NFILZ: variants seen among roughly 807,000 people sequenced by gnomAD.
NFILZ encodes the protein NFIL3 like protein.
chr19:8,648,575 T>C (rs1352560662), intron 3 of NFILZ, among the ~76,000 whole-genome samples: 2 of 152,194 alleles, frequency 1.3e-5, no homozygotes, highest in African/African-American at 2.4e-5. Context: ...CCCAGATCTT[T>C]GGGAGGCCGA....
At chr19:8,656,267 T>C (rs868947362) in intron 3 of NFILZ, among the ~76,000 whole-genome samples, 1,545 of 15,966 alleles carry the variant, frequency 0.097, 66 homozygotes, top group African/African-American at 0.18. Flanking sequence ...CCATCTTCTC[T>C]CTGAAGCCCA....
intron 3 of NFILZ, among the ~76,000 whole-genome samples, chr19:8,645,347 C>T (rs537044204): frequency 2.0e-5 from 3 of 150,536 alleles, no homozygotes; most frequent in Admixed American, 6.6e-5. Flanking sequence ...CCATGTTGCC[C>T]AGGCTGGTCT....
chr19:8,653,429 T>G (rs1043872842), intron 3 of NFILZ, among the ~76,000 whole-genome samples: 1 of 152,112 alleles, frequency 6.6e-6, no homozygotes, highest in South Asian at 2.1e-4. Context: ...TTGCTGAAGA[T>G]GAGTCTATTT....
In NFILZ at chr19:8,638,875, G is replaced by C. The variant is rs150898593; in HGVS notation, c.-164+3129G>C. ...TTTTTTTTTTTTGAGATGGAATCTC[G>C]CTCTGTTGCCCAGACTGGAGTGCAG... On this transcript the variant is annotated intron_variant, in intron 3 of 5. Transcript: ENST00000691075. Among the ~76,000 whole-genome samples, 974 of 144,010 alleles carry C rather than the reference G, an allele frequency of 6.8e-3. 18 individuals are homozygous for C. Among genetic ancestry groups the C allele is most frequent in the African/African-American group, 0.024 (924 of 38,272 alleles). 94.5% of individuals were successfully genotyped at this position (144,010 alleles called of 152,430 possible). A position where few individuals can be genotyped will look rare whatever the true frequency, so the allele number is the denominator to read the frequency against.
In NFILZ at chr19:8,681,054, G is replaced by T. The variant is rs115621977; in HGVS notation, c.*3419G>T. Among the ~76,000 whole-genome samples, 64 of 152,146 alleles carry T rather than the reference G, an allele frequency of 4.2e-4. No homozygotes were observed. The highest frequency in any genetic ancestry group is 1.5e-3 in the African/African-American group (63 of 41,504). On this transcript the variant is annotated 3_prime_UTR_variant, in exon 6 of 6. Transcript: ENST00000691075. The stretch of plus-strand genomic sequence containing the variant: ...TCCTTTCTGAGTGATATGGGCATGA[G>T]GGGGACGTTTCCAAGTATATTTCTG...
At chr19:8,663,102 C>T (rs1330874321) in intron 3 of NFILZ, among the ~76,000 whole-genome samples, 1 of 151,844 alleles carries the variant, frequency 6.6e-6, no homozygotes, top group African/African-American at 2.4e-5. Context: ...CATGTGTCAC[C>T]ATGCCTGGGT....
At chr19:8,633,389 G>A (rs1227099752) in intron 2 of NFILZ, among the ~76,000 whole-genome samples, 2 of 152,054 alleles carry the variant, frequency 1.3e-5, no homozygotes, top group East Asian at 1.9e-4. Flanking sequence ...CTTTCTTGCG[G>A]GGGACCTAAG....
intron 3 of NFILZ, among the ~76,000 whole-genome samples, chr19:8,670,992 CAA>C (rs35392454): frequency 0.022 from 2,619 of 117,520 alleles, 79 homozygotes; most frequent in African/African-American, 0.073. Flanking sequence ...GAGACTGTCT[CAA>C]AAAAAAAAAA....
chr19:8,679,003 T>C lies in NFILZ; in HGVS notation c.*1368T>C, dbSNP rs1173959176. 6.6e-6 allele frequency among the ~76,000 whole-genome samples: 1 copy of C among 152,070 alleles called. No homozygotes were observed. Among genetic ancestry groups the C allele is most frequent in the Non-Finnish European group, 1.5e-5 (1 of 67,978 alleles). On this transcript the variant is annotated 3_prime_UTR_variant, in exon 6 of 6. Transcript: ENST00000691075. ...CTGAATCCCCCTTCTTGGTGTCCCC[T>C]GGGGGGCTTGCTTACCACCCAGTTT... is the stretch of plus-strand genomic sequence containing the variant.
intron 3 of NFILZ, among the ~76,000 whole-genome samples, chr19:8,652,295 G>A (rs1432130989): frequency 1.3e-5 from 2 of 151,980 alleles, no homozygotes; most frequent in African/African-American, 2.4e-5. Context: ...AGTAGAGACG[G>A]GGTTTCACCG....
chr19:8,641,354 T>G (rs1229781765), intron 3 of NFILZ, among the ~76,000 whole-genome samples: 1 of 152,102 alleles, frequency 6.6e-6, no homozygotes, highest in Non-Finnish European at 1.5e-5. Flanking sequence ...GCCTGGCCTC[T>G]CCAGTGTTTC....
intron 3 of NFILZ, among the ~76,000 whole-genome samples, chr19:8,642,717 T>C (rs186913450): frequency 9.1e-4 from 138 of 152,230 alleles, no homozygotes; most frequent in African/African-American, 3.2e-3. Flanking sequence ...AATATAGCCC[T>C]AATGCGCAAG....
At chr19:8,650,260 C>T (rs1555747573) in intron 3 of NFILZ, among the ~76,000 whole-genome samples, 1 of 152,004 alleles carries the variant, frequency 6.6e-6, no homozygotes, top group African/African-American at 2.4e-5. Flanking sequence ...TCTCATGTCC[C>T]CTGCACCCAG....
Position 8,643,491 on chromosome 19 carries a change from G to A in NFILZ, c.-164+7745G>A, listed in dbSNP as rs145628235. Among the ~76,000 whole-genome samples the A allele has an allele frequency of 2.4e-3, 371 of 152,314 alleles. 1 individual carries two copies. Among genetic ancestry groups the A allele is most frequent in the African/African-American group, 8.5e-3 (355 of 41,562 alleles). ...GGGAGGGTGTTTCTGGGAGAGATTA[G>A]CATTTGCATTGGTGGACTGAGAAAA... On this transcript the variant is annotated intron_variant, in intron 3 of 5. Transcript: ENST00000691075.
At chr19:8,657,866 A>G (rs1266762723) in intron 3 of NFILZ, among the ~76,000 whole-genome samples, 1 of 152,120 alleles carries the variant, frequency 6.6e-6, no homozygotes, top group Non-Finnish European at 1.5e-5. Flanking sequence ...CACATGGGCC[A>G]AAAGAGCTAG....
chr19:8,640,787 C>T (rs1056666446), intron 3 of NFILZ, among the ~76,000 whole-genome samples: 1 of 152,084 alleles, frequency 6.6e-6, no homozygotes, highest in African/African-American at 2.4e-5. Flanking sequence ...GACCAGAGGT[C>T]AAAGTTACAG....
intron 3 of NFILZ, among the ~76,000 whole-genome samples, chr19:8,671,243 G>A (rs1275269197): frequency 6.6e-6 from 1 of 152,020 alleles, no homozygotes; most frequent in Non-Finnish European, 1.5e-5. Context: ...TCCCCCTCCG[G>A]CCACTGCAAG....
rs2043130757 is a variant in NFILZ at position 8,678,708 on chromosome 19, C to A, written c.*1073C>A. ...CCACCCATTCATCTACTCATCCACCCATCCATCCTTTCATTCATTTATTCA... is the reference window on the plus strand; with the variant it reads ...CCACCCATTCATCTACTCATCCACCAATCCATCCTTTCATTCATTTATTCA... On this transcript the variant is annotated 3_prime_UTR_variant, in exon 6 of 6. Coordinates refer to ENST00000691075, the MANE Select transcript of NFILZ (RefSeq NM_001378600.1). Among the ~76,000 whole-genome samples, 1 of 152,214 alleles carries A rather than the reference C, an allele frequency of 6.6e-6. No homozygotes were observed. The highest frequency in any genetic ancestry group is 2.4e-5 in the African/African-American group (1 of 41,446).
intron 3 of NFILZ, among the ~76,000 whole-genome samples, chr19:8,655,532 C>T (rs1343911572): frequency 1.3e-5 from 2 of 152,312 alleles, no homozygotes; most frequent in South Asian, 4.1e-4. Flanking sequence ...CGGGTGTCAC[C>T]TTTACGGAAG....
Sources: allele counts gnomAD v4.1 joint callset (sites outside exome capture counted in the v4.1 genomes callset), GRCh38; gene constraint gnomAD v4.1.1; transcripts MANE v1.5; gene names NCBI Gene and HGNC (gene_info 2026-07-23, HGNC 2026-07-21).